The following SLC39A11 variants were observed in gnomAD, a reference collection of about 807,000 sequenced individuals.
SLC39A11 encodes the protein solute carrier family 39 member 11.
A neutral mutation model predicts 36.1 loss-of-function variants in SLC39A11; 33 were observed. The observed-to-expected ratio is 0.91, with a 90% CI of 0.69 to 1.22. The LOEUF is 1.22. Among genes scored for constraint, SLC39A11 ranks in the 50% most tolerant of loss-of-function variants. The pLI is 0.00. For synonymous variants in SLC39A11, 166 were observed against 170.3 expected (o/e 0.97, Z 0.20); for missense variants, 432 against 430.3 (o/e 1.00, Z -0.03).
chr17:72,757,879 T>G (rs2075419627), intron 6 of SLC39A11, among the ~76,000 whole-genome samples: 1 of 151,960 alleles, frequency 6.6e-6, no homozygotes, highest in Non-Finnish European at 1.5e-5. Flanking sequence ...TCAGTTAGTA[T>G]TTTGTTTGTT....
At chr17:73,012,346 T>C (rs1226614151) in intron 4 of SLC39A11, among the ~76,000 whole-genome samples, 2 of 152,136 alleles carry the variant, frequency 1.3e-5, no homozygotes, top group Non-Finnish European at 2.9e-5. Flanking sequence ...CTTGAGGGAA[T>C]ACCCCATTTT....
intron 5 of SLC39A11, among the ~76,000 whole-genome samples, chr17:72,857,640 A>G (rs1374490635): frequency 6.6e-6 from 1 of 152,198 alleles, no homozygotes; most frequent in African/African-American, 2.4e-5. Flanking sequence ...CAACCTCATC[A>G]GCATCTGTTA....
intron 1 of SLC39A11, 167 bp downstream of exon 1, chr17:73,092,444 C>G (rs2060958072): frequency 6.6e-6 from 1 of 150,544 alleles, no homozygotes; most frequent in Non-Finnish European, 1.5e-5. Context: ...GCCCCGACAC[C>G]TGCCAAAGCC....
At chr17:73,069,049 C>G (rs1490700538) in intron 3 of SLC39A11, among the ~76,000 whole-genome samples, 2 of 152,110 alleles carry the variant, frequency 1.3e-5, no homozygotes, top group East Asian at 3.9e-4. Context: ...ACTATGTTGC[C>G]AACAGCCCTG....
chr17:72,843,979 A>C (rs938308369), intron 6 of SLC39A11, among the ~76,000 whole-genome samples: 1 of 152,102 alleles, frequency 6.6e-6, no homozygotes, highest in Non-Finnish European at 1.5e-5. Context: ...TTTTTAGCAA[A>C]ATGTCATCCT....
At position 72,900,196 on chromosome 17, in the gene SLC39A11, A is replaced by AAGGAAG. The variant is rs879588944; in HGVS notation, c.430+47555_430+47556insCTTCCT. ...AAGAAAGAAAGAAAGAAAGAAAGAA[A>AAGGAAG]GAAAGAAAGAAAGAAAGAAAGAAAG... is the stretch of plus-strand genomic sequence containing the variant. On this transcript the variant is annotated intron_variant, in intron 5 of 9. Coordinates refer to ENST00000255559, the MANE Select transcript of SLC39A11 (RefSeq NM_139177.4). Among the ~76,000 whole-genome samples the AAGGAAG allele has an allele frequency of 1.2e-3, 170 of 137,110 alleles. 26 individuals are homozygous for AAGGAAG. Among genetic ancestry groups the AAGGAAG allele is most frequent in the African/African-American group, 5.2e-3 (159 of 30,694 alleles). The allele number at this position is 137,110 out of a possible 152,430, so 89.9% of individuals were successfully genotyped here. A position where few individuals can be genotyped will look rare whatever the true frequency, so the allele number is the denominator to read the frequency against.
At chr17:73,037,184 A>T (rs1453684683) in intron 3 of SLC39A11, among the ~76,000 whole-genome samples, 1 of 152,210 alleles carries the variant, frequency 6.6e-6, no homozygotes, top group Non-Finnish European at 1.5e-5. Flanking sequence ...AAGTGGCTAT[A>T]AACACCCGTG....
rs780584085 is a variant in SLC39A11 at position 72,967,133 on chromosome 17, T to C, written c.307-19258A>G. On this transcript the variant is annotated intron_variant, in intron 4 of 9. Transcript: ENST00000255559. ...ACTGATTGTCCATTATGGTGAGTTA[T>C]ATAATCATTTCATTATAGATTACAA... Among the ~76,000 whole-genome samples, 68 of 152,148 alleles carry C rather than the reference T, an allele frequency of 4.5e-4. 1 individual carries two copies. Among genetic ancestry groups the C allele is most frequent in the Non-Finnish European group, 1.5e-4 (10 of 68,022 alleles).
intron 7 of SLC39A11, among the ~76,000 whole-genome samples, chr17:72,652,775 CTTG>C (rs1228292559): frequency 6.6e-6 from 1 of 152,168 alleles, no homozygotes; most frequent in Non-Finnish European, 1.5e-5. Flanking sequence ...CTCATTTGCT[CTTG>C]TTGACACTTG....
At chr17:72,912,274 G>T (rs1026625047) in intron 5 of SLC39A11, among the ~76,000 whole-genome samples, 1 of 151,898 alleles carries the variant, frequency 6.6e-6, no homozygotes, top group African/African-American at 2.4e-5. Context: ...ACTTCACGAT[G>T]TCTACAGAGG....
chr17:73,020,987 G>A (rs916570169), intron 4 of SLC39A11, among the ~76,000 whole-genome samples: 2 of 152,072 alleles, frequency 1.3e-5, no homozygotes, highest in Admixed American at 6.6e-5. Flanking sequence ...AGCCCGGAGA[G>A]AACAATGCTT....
intron 3 of SLC39A11, among the ~76,000 whole-genome samples, chr17:73,050,323 C>CAAAAA (rs70938142): frequency 3.0e-5 from 3 of 98,796 alleles, no homozygotes; most frequent in Admixed American, 1.1e-4. Flanking sequence ...CTGTTTGTGG[C>CAAAAA]AAAAAAAAAA....
At chr17:73,033,636 T>A (rs980713488) in intron 3 of SLC39A11, among the ~76,000 whole-genome samples, 6 of 152,198 alleles carry the variant, frequency 3.9e-5, no homozygotes, top group Non-Finnish European at 8.8e-5. Context: ...GGCTGTTTAC[T>A]CTTACAGATG....
intron 4 of SLC39A11, among the ~76,000 whole-genome samples, chr17:73,000,326 A>T (rs1422588931): frequency 1.7e-5 from 2 of 120,512 alleles, no homozygotes; most frequent in Non-Finnish European, 3.4e-5. Context: ...CTCTCCTCTC[A>T]TCTCTCTTCT....
chr17:72,664,732 C>A (rs796636996), intron 7 of SLC39A11, among the ~76,000 whole-genome samples: 30 of 152,386 alleles, frequency 2.0e-4, no homozygotes, highest in African/African-American at 7.2e-4. Flanking sequence ...GGGCCCACAT[C>A]CCCTGCTGGC....
At chr17:73,015,591 A>C (rs1399491896) in intron 4 of SLC39A11, among the ~76,000 whole-genome samples, 1 of 151,938 alleles carries the variant, frequency 6.6e-6, no homozygotes, top group Non-Finnish European at 1.5e-5. Context: ...TTTTATTTTT[A>C]TTATTTCTTT....
At chr17:72,892,862 A>G (rs1043454922) in intron 5 of SLC39A11, among the ~76,000 whole-genome samples, 1 of 152,232 alleles carries the variant, frequency 6.6e-6, no homozygotes, top group Non-Finnish European at 1.5e-5. Context: ...GATCCAAAAG[A>G]CAAACTGGAG....
intron 7 of SLC39A11, among the ~76,000 whole-genome samples, chr17:72,662,209 G>A (rs2070456754): frequency 6.6e-6 from 1 of 152,000 alleles, no homozygotes; most frequent in South Asian, 2.1e-4. Context: ...TGAGGCTGTA[G>A]TACTATGATG....
At chr17:72,762,869 TC>T (rs772298464) in intron 6 of SLC39A11, among the ~76,000 whole-genome samples, 38 of 152,220 alleles carry the variant, frequency 2.5e-4, no homozygotes, top group Admixed American at 1.4e-3. Context: ...CTCACCCATG[TC>T]TGTGCTCATT....
Sources: gnomAD v4.1 joint callset for allele counts (sites outside exome capture counted in the v4.1 genomes callset) on GRCh38, gnomAD v4.1.1 for gene constraint, MANE v1.5 for transcripts, NCBI Gene and HGNC (gene_info 2026-07-23, HGNC 2026-07-21) for gene names.